Variants in WWOX observed in about 807,000 individuals in gnomAD.
WWOX encodes WW domain containing oxidoreductase.
A neutral mutation model predicts 46.2 loss-of-function variants in WWOX; 69 were observed. The ratio of observed to expected loss-of-function variants is 1.49; its 90% confidence interval spans 1.23 to 1.82. The LOEUF (loss-of-function observed/expected upper bound fraction) is 1.82. WWOX is among the 40% of genes most tolerant of loss of function. The probability of loss-of-function intolerance (pLI) is 0.00; values close to 1 mark genes in which losing one functional copy is unlikely to be tolerated. For synonymous variants in WWOX, 359 were observed against 202.6 expected (o/e 1.77, Z -6.56); for missense variants, 919 against 542.6 (o/e 1.69, Z -6.89).
chr16:78,584,999 G>A (rs1444959151), intron 8 of WWOX, among the ~76,000 whole-genome samples: 1 of 152,202 alleles, frequency 6.6e-6, no homozygotes, highest in Non-Finnish European at 1.5e-5. Flanking sequence ...AGGCAGAAAG[G>A]CCGAGATGAC....
At position 78,726,385 on chromosome 16, in the gene WWOX, G is replaced by A. The variant is rs566300547; in HGVS notation, c.1056+293633G>A. Among the ~76,000 whole-genome samples the A allele has an allele frequency of 4.7e-4, 71 of 151,850 alleles. 1 individual carries two copies. In the East Asian group the frequency reaches 6.1e-3, roughly 13 times the overall value. ...GGACCACAGGTATGCACCACCACAC[G>A]TGGCGTATTTTTAAATTATTTGTGG... On this transcript the variant is annotated intron_variant, in intron 8 of 8. Transcript: ENST00000566780.
At chr16:79,209,291 T>C (rs1465578300) in intron 8 of WWOX, among the ~76,000 whole-genome samples, 2 of 152,246 alleles carry the variant, frequency 1.3e-5, no homozygotes, top group African/African-American at 4.8e-5. Context: ...TCAATGGGAC[T>C]GCAGAATTTC....
intron 1 of WWOX, among the ~76,000 whole-genome samples, chr16:78,103,232 T>C (rs960353568): frequency 1.4e-5 from 2 of 142,690 alleles, no homozygotes; most frequent in African/African-American, 2.5e-5. Context: ...CTGGCCTCTC[T>C]GGCTCCGCTG....
At chr16:78,615,440 A>G (rs2045999744) in intron 8 of WWOX, among the ~76,000 whole-genome samples, 1 of 152,118 alleles carries the variant, frequency 6.6e-6, no homozygotes, top group Non-Finnish European at 1.5e-5. Context: ...CCTGAAGCCC[A>G]GAATTCAAGA....
chr16:78,790,285 C>T (rs893742053), intron 8 of WWOX, among the ~76,000 whole-genome samples: 7 of 152,064 alleles, frequency 4.6e-5, no homozygotes, highest in Non-Finnish European at 2.9e-5. Context: ...CAGGCGCACG[C>T]CAGCACGCCT....
At chr16:78,804,846 A>G (rs938151955) in intron 8 of WWOX, among the ~76,000 whole-genome samples, 37 of 152,364 alleles carry the variant, frequency 2.4e-4, no homozygotes, top group African/African-American at 7.9e-4. Context: ...GCATTCTGTG[A>G]TCCTTAGGAT....
intron 5 of WWOX, among the ~76,000 whole-genome samples, chr16:78,371,864 A>C (rs1052619276): frequency 1.3e-5 from 2 of 152,130 alleles, no homozygotes; most frequent in African/African-American, 4.8e-5. Context: ...TAGGTAGGCA[A>C]GGATAGCTGC....
At chr16:79,013,493 C>G (rs757842470) in intron 8 of WWOX, among the ~76,000 whole-genome samples, 1 of 152,188 alleles carries the variant, frequency 6.6e-6, no homozygotes, top group African/African-American at 2.4e-5. Flanking sequence ...CGCATGTCCC[C>G]CCATGAAGTC....
intron 8 of WWOX, among the ~76,000 whole-genome samples, chr16:78,675,742 G>A (rs931423964): frequency 2.6e-5 from 4 of 152,188 alleles, no homozygotes; most frequent in Non-Finnish European, 5.9e-5. Context: ...GAGAGGGCAA[G>A]ACAGAAGGAT....
chr16:78,712,306 A>G (rs1295380503), intron 8 of WWOX, among the ~76,000 whole-genome samples: 1 of 152,114 alleles, frequency 6.6e-6, no homozygotes, highest in African/African-American at 2.4e-5. Flanking sequence ...GATCGAAACC[A>G]TCCTGGCCAA....
intron 8 of WWOX, among the ~76,000 whole-genome samples, chr16:78,483,636 C>T (rs1005413084): frequency 6.3e-4 from 96 of 152,028 alleles, no homozygotes; most frequent in African/African-American, 2.1e-3. Flanking sequence ...TGGGCTGCAT[C>T]GCTTACCAAT....
At chr16:78,226,212 C>G (rs914956496) in intron 5 of WWOX, among the ~76,000 whole-genome samples, 18 of 152,106 alleles carry the variant, frequency 1.2e-4, no homozygotes, top group Non-Finnish European at 1.5e-4. Context: ...ATTCTGCCCT[C>G]TCCAGTTTGA....
rs570285017 is a variant in WWOX at position 78,830,895 on chromosome 16, G to A, written c.1057-380713G>A. On this transcript the variant is annotated intron_variant, in intron 8 of 8. Transcript: ENST00000566780. Reference sequence around the variant, plus strand: ...CATCCTTACCCTCTATAGCCATCAGGTCAGGTGCGTCTTCTTCATTTATTT... The same window carrying A: ...CATCCTTACCCTCTATAGCCATCAGATCAGGTGCGTCTTCTTCATTTATTT... Among the ~76,000 whole-genome samples the A allele has an allele frequency of 9.9e-5, 15 of 152,168 alleles. No homozygotes were observed. In the South Asian group the frequency reaches 2.9e-3, roughly 30 times the overall value.
At chr16:78,531,901 C>G (rs752658720) in intron 8 of WWOX, among the ~76,000 whole-genome samples, 5 of 152,044 alleles carry the variant, frequency 3.3e-5, no homozygotes, top group African/African-American at 4.8e-5. Context: ...TTTAAACCTG[C>G]CAACTACAAT....
At chr16:78,832,698 T>C (rs1388749379) in intron 8 of WWOX, among the ~76,000 whole-genome samples, 2 of 152,092 alleles carry the variant, frequency 1.3e-5, no homozygotes, top group East Asian at 3.9e-4. Flanking sequence ...CAGGAGGGAT[T>C]GTGATTAAAG....
At chr16:78,782,441 C>T (rs2050353652) in intron 8 of WWOX, among the ~76,000 whole-genome samples, 1 of 152,208 alleles carries the variant, frequency 6.6e-6, no homozygotes, top group South Asian at 2.1e-4. Context: ...ACGCTACCAA[C>T]ATTGGTATTC....
In WWOX at chr16:78,603,118, C is replaced by T. The variant is rs186446028; in HGVS notation, c.1056+170366C>T. ...ATTTATTTTTCCTTCTTGCGTTGCT[C>T]TTAAGCCCCCACTCTTGGGCAAGGC... On this transcript the variant is annotated intron_variant, in intron 8 of 8. Coordinates refer to ENST00000566780, the MANE Select transcript of WWOX (RefSeq NM_016373.4). Among the ~76,000 whole-genome samples, 370 of 152,342 alleles carry T rather than the reference C, an allele frequency of 2.4e-3. 1 individual carries two copies. Among genetic ancestry groups the T allele is most frequent in the African/African-American group, 8.4e-3 (349 of 41,576 alleles).
At chr16:78,438,639 C>CT (rs2083382374) in intron 8 of WWOX, among the ~76,000 whole-genome samples, 1 of 152,138 alleles carries the variant, frequency 6.6e-6, no homozygotes, top group South Asian at 2.1e-4. Context: ...GAAAGAATAT[C>CT]ATGTGTTAGG....
At chr16:78,946,509 A>G (rs1281115364) in intron 8 of WWOX, among the ~76,000 whole-genome samples, 1 of 152,156 alleles carries the variant, frequency 6.6e-6, no homozygotes, top group Non-Finnish European at 1.5e-5. Context: ...TTTCAAAGAA[A>G]TAGTCAAGAA....
Sources: allele counts gnomAD v4.1 joint callset (sites outside exome capture counted in the v4.1 genomes callset), GRCh38; gene constraint gnomAD v4.1.1; transcripts MANE v1.5; gene names NCBI Gene and HGNC (gene_info 2026-07-23, HGNC 2026-07-21).